VTA1: variants seen among roughly 807,000 people sequenced by gnomAD.
VTA1 encodes the protein vesicle trafficking 1, also known as vacuolar protein sorting-associated protein VTA1 homolog.
In VTA1, 24 loss-of-function variants were observed where a neutral mutation model predicts 36.9. That is an observed-to-expected ratio of 0.65 (90% CI 0.47 to 0.91). The LOEUF (loss-of-function observed/expected upper bound fraction) is 0.91. VTA1 is among the 40% of genes least tolerant of loss of function. The pLI is 0.00. For missense variants in VTA1, 393 were observed against 377.2 expected (o/e 1.04, Z -0.35); for synonymous variants, 142 against 130.2 (o/e 1.09, Z -0.62).
In VTA1 at chr6:142,199,630, T is replaced by C. The variant is rs73777135; in HGVS notation, c.697+1015T>C. On this transcript the variant is annotated intron_variant, in intron 6 of 7. Coordinates refer to ENST00000367630, the MANE Select transcript of VTA1 (RefSeq NM_016485.5). ...TTACATTATATGCAAGTTTTCTATTTTGACCATTGTAACATCAAGTATGAT... is the reference window on the plus strand; with the variant it reads ...TTACATTATATGCAAGTTTTCTATTCTGACCATTGTAACATCAAGTATGAT... Among the ~76,000 whole-genome samples, 196 of 152,266 alleles carry C rather than the reference T, an allele frequency of 1.3e-3. 2 individuals are homozygous for C. Among genetic ancestry groups the C allele is most frequent in the African/African-American group, 4.4e-3 (184 of 41,574 alleles).
At position 142,218,512 on chromosome 6, in the gene VTA1, A is replaced by G; in HGVS notation, c.793A>G (p.Thr265Ala). ...TTTTCTTCTAGGGGATGTTCGTCTA[A>G]CCCCAGAAGACTTTGCTAGAGCTCA... ...NTISQGDVRL[T>A]PEDFARAQKY... Residue 265 changes from threonine (T) to alanine (A), a missense_variant, in exon 8 of 8, where the codon ACC becomes GCC. By Grantham distance (58) the Thr-to-Ala change is moderately conservative. Transcript: ENST00000367630. The G allele has an allele frequency of 1.2e-6, 2 of 1,613,154 alleles. No individual in the cohort carries two copies. Among genetic ancestry groups the G allele is most frequent in the East Asian group, 2.2e-5 (1 of 44,856 alleles).
At chr6:142,203,578 G>T (rs576437331) in intron 6 of VTA1, among the ~76,000 whole-genome samples, 1 of 152,104 alleles carries the variant, frequency 6.6e-6, no homozygotes, top group Admixed American at 6.5e-5. Flanking sequence ...GTGTAAACTA[G>T]AAAATTACAA....
At chr6:142,181,114 T>TATATATATATATATATAC (rs1775227170) in intron 4 of VTA1, among the ~76,000 whole-genome samples, 1 of 119,336 alleles carries the variant, frequency 8.4e-6, no homozygotes, top group Non-Finnish European at 1.8e-5. Context: ...TATATATATA[T>TATATATATATATATATAC]ATACACACAC....
chr6:142,200,695 G>A (rs1179982262), intron 6 of VTA1, among the ~76,000 whole-genome samples: 1 of 151,838 alleles, frequency 6.6e-6, no homozygotes, highest in Non-Finnish European at 1.5e-5. Flanking sequence ...ATAAATATTA[G>A]GTGGTTTTCC....
chr6:142,167,447 C>G (rs1774938303), intron 2 of VTA1, among the ~76,000 whole-genome samples: 1 of 152,114 alleles, frequency 6.6e-6, no homozygotes, highest in Admixed American at 6.5e-5. Flanking sequence ...GAATTAGAAA[C>G]CTATTCTATC....
In VTA1 at chr6:142,198,433, TGATA is replaced by T. The variant is rs1352281069; in HGVS notation, c.521-1_523del. The T allele has an allele frequency of 3.1e-6, 5 of 1,613,480 alleles. No homozygotes were observed. In the African/African-American group the frequency reaches 6.7e-5, roughly 22 times the overall value. The stretch of plus-strand genomic sequence containing the variant: ...ACTGTAACATTGTGTATATGTGATC[TGATA>T]GATATTGAAGAAAATGAAGATGCTG... On this transcript the variant is annotated splice_acceptor_variant and splice_polypyrimidine_tract_variant and intron_variant, in intron 5 of 7. Coordinates refer to ENST00000367630, the MANE Select transcript of VTA1 (RefSeq NM_016485.5). LOFTEE classifies it high-confidence loss of function.
At chr6:142,198,257 T>G (rs1417710008) in intron 5 of VTA1, among the ~76,000 whole-genome samples, 182 bp from the exon 6 acceptor site, 1 of 151,828 alleles carries the variant, frequency 6.6e-6, no homozygotes, top group Non-Finnish European at 1.5e-5. Flanking sequence ...CAGGTACAAT[T>G]ACATTTTTTA....
intron 4 of VTA1, among the ~76,000 whole-genome samples, chr6:142,174,427 TG>T: frequency 8.1e-6 from 1 of 123,592 alleles, no homozygotes; most frequent in South Asian, 2.7e-4. Context: ...ACCCAATGCC[TG>T]TACCACCATT....
At chr6:142,197,480 T>C (rs1181617420) in intron 5 of VTA1, among the ~76,000 whole-genome samples, 1 of 152,190 alleles carries the variant, frequency 6.6e-6, no homozygotes, top group Non-Finnish European at 1.5e-5. Flanking sequence ...ATTCAGTTTT[T>C]CAAAGTAGTT....
At chr6:142,212,397 A>G (rs7762247) in intron 7 of VTA1, among the ~76,000 whole-genome samples, 7,034 of 152,292 alleles carry the variant, frequency 0.046, 524 homozygotes, top group African/African-American at 0.16. Context: ...CATATTACAA[A>G]GTGAAAGGAA....
At chr6:142,184,516 A>C (rs751685531) in intron 4 of VTA1, among the ~76,000 whole-genome samples, 2 of 150,420 alleles carry the variant, frequency 1.3e-5, no homozygotes, top group Non-Finnish European at 3.0e-5. Flanking sequence ...AGCACTTAGC[A>C]TAGTACCTGA....
At chr6:142,194,449 T>G (rs1294105663) in intron 5 of VTA1, among the ~76,000 whole-genome samples, 1 of 152,166 alleles carries the variant, frequency 6.6e-6, no homozygotes, top group Non-Finnish European at 1.5e-5. Context: ...GTATTTTAGA[T>G]TTTTTGAAGT....
At chr6:142,183,638 A>G (rs1213920220) in intron 4 of VTA1, among the ~76,000 whole-genome samples, 1 of 152,212 alleles carries the variant, frequency 6.6e-6, no homozygotes, top group Non-Finnish European at 1.5e-5. Flanking sequence ...ATGTTTAATC[A>G]GCCAAAAGGA....
At position 142,219,757 on chromosome 6, in the gene VTA1, A is replaced by G. The variant is rs1402019937; in HGVS notation, c.*1114A>G. The G allele has an allele frequency of 6.6e-6, 1 of 152,192 alleles. No homozygotes were observed. Among genetic ancestry groups the G allele is most frequent in the Non-Finnish European group, 1.5e-5 (1 of 68,028 alleles). The allele number at this position is 152,192 out of a possible 1,614,324, so 9.4% of individuals were successfully genotyped here. The stretch of plus-strand genomic sequence containing the variant: ...AATTTGACAAAGTTAACTGAAATTT[A>G]TCTGGTCCATTTTATTCATGCTACT... On this transcript the variant is annotated 3_prime_UTR_variant, in exon 8 of 8. Coordinates refer to ENST00000367630, the MANE Select transcript of VTA1 (RefSeq NM_016485.5).
At chr6:142,204,184 G>T in intron 7 of VTA1, 119 bp downstream of exon 7, 1 of 888,306 alleles carries the variant, frequency 1.1e-6, no homozygotes, top group Non-Finnish European at 1.7e-6. Flanking sequence ...GAATTTCTAG[G>T]TAATTTGAAA....
At chr6:142,218,191 A>T (rs1776037990) in intron 7 of VTA1, among the ~76,000 whole-genome samples, 1 of 152,148 alleles carries the variant, frequency 6.6e-6, no homozygotes, top group African/African-American at 2.4e-5. Context: ...TTCCATGAAG[A>T]GAGAGGCTAA....
chr6:142,201,683 A>G (rs1023771237), intron 6 of VTA1, among the ~76,000 whole-genome samples: 14 of 151,996 alleles, frequency 9.2e-5, no homozygotes, highest in African/African-American at 3.4e-4. Flanking sequence ...TAGGCTGTGT[A>G]CTTGTGTCAG....
At chr6:142,209,686 A>G (rs1326025190) in intron 7 of VTA1, among the ~76,000 whole-genome samples, 1 of 151,692 alleles carries the variant, frequency 6.6e-6, no homozygotes, top group African/African-American at 2.4e-5. Flanking sequence ...ATAACTAACT[A>G]TAATATTCCA....
At chr6:142,161,274 T>C (rs1297766488) in intron 1 of VTA1, among the ~76,000 whole-genome samples, 1 of 152,194 alleles carries the variant, frequency 6.6e-6, no homozygotes, top group Non-Finnish European at 1.5e-5. Context: ...TTTTTTGGAA[T>C]AAAATTTGCT....
Sources: allele counts gnomAD v4.1 joint callset (sites outside exome capture counted in the v4.1 genomes callset), GRCh38; gene constraint gnomAD v4.1.1; transcripts MANE v1.5; gene names NCBI Gene and HGNC (gene_info 2026-07-23, HGNC 2026-07-21).